Variants in RFX7 observed in about 807,000 individuals in gnomAD.
The protein encoded by RFX7 is regulatory factor X7, also known as DNA-binding protein RFX7.
RFX7 carries 26 observed loss-of-function variants against 111.8 expected under a neutral mutation model. The ratio of observed to expected loss-of-function variants is 0.23; its 90% CI spans 0.17 to 0.32. The LOEUF (loss-of-function observed/expected upper bound fraction) is 0.32, where lower values mean the gene tolerates loss of function less well. Ranked by LOEUF, RFX7 falls within the 10% of genes least tolerant of loss-of-function variation. The pLI is 1.00. For missense variants in RFX7, 1,573 were observed against 1,772.9 expected (o/e 0.89, Z 2.02); for synonymous variants, 624 against 624.4 (o/e 1.00, Z 0.01).
At chr15:56,164,266 T>C (rs976819119) in intron 3 of RFX7, among the ~76,000 whole-genome samples, 2 of 152,210 alleles carry the variant, frequency 1.3e-5, no homozygotes, top group African/African-American at 4.8e-5. Context: ...GATCTAGCTG[T>C]GGGTCTCAAG....
chr15:56,241,104 A>G (rs1358562613), intron 2 of RFX7, among the ~76,000 whole-genome samples: 1 of 152,142 alleles, frequency 6.6e-6, no homozygotes, highest in African/African-American at 2.4e-5. Flanking sequence ...TTAGATGCCA[A>G]TAAGTGTATC....
At chr15:56,175,591 T>C (rs1335110473) in intron 3 of RFX7, among the ~76,000 whole-genome samples, 1 of 152,074 alleles carries the variant, frequency 6.6e-6, no homozygotes, top group Admixed American at 6.5e-5. Flanking sequence ...CCACATATAA[T>C]GATTTTTGAT....
At chr15:56,174,905 A>T (rs761391052) in intron 3 of RFX7, among the ~76,000 whole-genome samples, 9 of 152,182 alleles carry the variant, frequency 5.9e-5, no homozygotes, top group Non-Finnish European at 1.3e-4. Context: ...TTTTTTCCTT[A>T]AGATCCGGAA....
chr15:56,097,057 G>A (rs532174838), intron 9 of RFX7, among the ~76,000 whole-genome samples: 2 of 152,236 alleles, frequency 1.3e-5, no homozygotes, highest in South Asian at 4.2e-4. Context: ...CTAAACCACT[G>A]CAAATAAGAT....
intron 3 of RFX7, among the ~76,000 whole-genome samples, chr15:56,174,866 C>A (rs1004259561): frequency 6.6e-6 from 1 of 151,594 alleles, no homozygotes; most frequent in Admixed American, 6.6e-5. Context: ...CTAATGTTAA[C>A]TTCATATTGT....
chr15:56,188,967 C>T (rs1358314568), intron 2 of RFX7, among the ~76,000 whole-genome samples: 3 of 152,094 alleles, frequency 2.0e-5, no homozygotes, highest in Admixed American at 6.5e-5. Flanking sequence ...CCAGTAGCTA[C>T]GCCACCATGC....
At position 56,191,745 on chromosome 15, in the gene RFX7, G is replaced by C. The variant is rs535257327; in HGVS notation, c.162-12442C>G. On this transcript the variant is annotated intron_variant, in intron 2 of 9. Coordinates refer to ENST00000559447, the MANE Select transcript of RFX7 (RefSeq NM_022841.7). ...TACGATCTGTGGAACTGAATGACCA[G>C]GAAAACCGACCTCTTACTGCAAACC... 1.1e-4 allele frequency among the ~76,000 whole-genome samples: 17 copies of C among 152,170 alleles called. 1 individual carries two copies. In the East Asian group the frequency reaches 2.7e-3, roughly 24 times the overall value.
chr15:56,181,841 A>T (rs956019729), intron 2 of RFX7, among the ~76,000 whole-genome samples: 15 of 152,080 alleles, frequency 9.9e-5, no homozygotes, highest in Non-Finnish European at 2.1e-4. Context: ...CCCAACTCTC[A>T]TCCCTGTTAG....
chr15:56,088,027 T>C lies in RFX7; in HGVS notation c.*5318A>G, dbSNP rs62044075. 0.013 allele frequency: 3,717 copies of C among 293,978 alleles called. 35 individuals carry two copies. Among genetic ancestry groups the C allele is most frequent in the Non-Finnish European group, 0.018 (2,656 of 147,330 alleles). 18.2% of individuals were successfully genotyped at this position (293,978 alleles called of 1,614,324 possible). A position where few individuals can be genotyped will look rare whatever the true frequency, so the allele number is the denominator to read the frequency against. On this transcript the variant is annotated 3_prime_UTR_variant, in exon 10 of 10. Coordinates refer to ENST00000559447, the MANE Select transcript of RFX7 (RefSeq NM_022841.7). The stretch of plus-strand genomic sequence containing the variant: ...AGGGAGGGAAAAGGATTCAAGTAAT[T>C]TGGAGGAAAATTACAAACTACAGGT...
At chr15:56,228,169 G>C (rs1209306826) in intron 2 of RFX7, among the ~76,000 whole-genome samples, 6 of 149,900 alleles carry the variant, frequency 4.0e-5, no homozygotes, top group African/African-American at 1.2e-4. Context: ...AGTAAAATAT[G>C]CCTAGGCATA....
chr15:56,104,879 G>A (rs1322810068), intron 5 of RFX7, among the ~76,000 whole-genome samples: 5 of 152,146 alleles, frequency 3.3e-5, no homozygotes, highest in African/African-American at 1.2e-4. Context: ...AATGCGTACT[G>A]AAAGTTTCCC....
At chr15:56,145,491 C>T (rs1269201136) in intron 3 of RFX7, among the ~76,000 whole-genome samples, 3 of 152,168 alleles carry the variant, frequency 2.0e-5, no homozygotes. Flanking sequence ...CAATCACATG[C>T]AAATAGCTCC....
At chr15:56,117,482 C>T (rs1292912300) in intron 5 of RFX7, among the ~76,000 whole-genome samples, 1 of 152,092 alleles carries the variant, frequency 6.6e-6, no homozygotes, top group Non-Finnish European at 1.5e-5. Context: ...AAACATCTGT[C>T]ATTTATTTGT....
chr15:56,203,458 T>C (rs1213162043), intron 2 of RFX7, among the ~76,000 whole-genome samples: 3 of 152,184 alleles, frequency 2.0e-5, no homozygotes, highest in African/African-American at 7.2e-5. Flanking sequence ...AGACTGATCA[T>C]GAAACTCTCA....
intron 2 of RFX7, among the ~76,000 whole-genome samples, chr15:56,216,090 T>C (rs980090850): frequency 1.3e-5 from 2 of 152,180 alleles, no homozygotes; most frequent in African/African-American, 4.8e-5. Flanking sequence ...TCTGTTAGAA[T>C]TGCATGATTA....
intron 3 of RFX7, among the ~76,000 whole-genome samples, chr15:56,174,417 T>C (rs72738631): frequency 0.13 from 19,815 of 152,094 alleles, 1,693 homozygotes; most frequent in East Asian, 0.44. Context: ...AGAAACAAAC[T>C]ATTAGTAAGT....
chr15:56,177,929 A>G (rs546879402), intron 3 of RFX7, among the ~76,000 whole-genome samples: 5 of 152,272 alleles, frequency 3.3e-5, no homozygotes, highest in African/African-American at 1.2e-4. Flanking sequence ...TCTTAAGAGT[A>G]GTCTTGAATA....
intron 5 of RFX7, among the ~76,000 whole-genome samples, chr15:56,113,644 T>A (rs1408001178): frequency 6.7e-6 from 1 of 148,246 alleles, no homozygotes; most frequent in Non-Finnish European, 1.5e-5. Flanking sequence ...TGCACATGTA[T>A]CCCGGAATGT....
At chr15:56,125,608 T>TGA (rs759853838) in intron 5 of RFX7, among the ~76,000 whole-genome samples, 4 of 87,694 alleles carry the variant, frequency 4.6e-5, no homozygotes, top group Admixed American at 4.5e-4. Context: ...TCTGTGTGTG[T>TGA]GAGTGTGTGT....
Sources: gnomAD v4.1 joint callset for allele counts (sites outside exome capture counted in the v4.1 genomes callset) on GRCh38, gnomAD v4.1.1 for gene constraint, MANE v1.5 for transcripts, NCBI Gene and HGNC (gene_info 2026-07-23, HGNC 2026-07-21) for gene names.